The following CHST3 variants were observed in gnomAD, a reference collection of about 807,000 sequenced individuals.
CHST3 encodes C6ST-1.
In CHST3, 20 loss-of-function variants were observed where a neutral mutation model predicts 35.4. That is an observed-to-expected ratio of 0.57 (90% CI 0.40 to 0.82). The LOEUF is 0.82. CHST3 is among the 40% of genes least tolerant of loss of function. The pLI, the probability that CHST3 is intolerant of heterozygous loss-of-function variation, is 0.00. For synonymous variants in CHST3, 334 were observed against 295.9 expected (o/e 1.13, Z -1.32); for missense variants, 693 against 670.1 (o/e 1.03, Z -0.38).
intron 1 of CHST3, among the ~76,000 whole-genome samples, chr10:71,989,673 T>C (rs549285736): frequency 2.6e-5 from 4 of 152,322 alleles, no homozygotes; most frequent in African/African-American, 9.6e-5. Flanking sequence ...TTTAGTAACA[T>C]GGTAACAAAT....
intron 1 of CHST3, among the ~76,000 whole-genome samples, chr10:72,003,124 G>A: frequency 6.6e-6 from 1 of 152,196 alleles, no homozygotes; most frequent in Non-Finnish European, 1.5e-5. Context: ...CTGCCTCACA[G>A]GGCTTTGCTG....
At chr10:71,967,985 T>TTTTTTTGTA in intron 1 of CHST3, among the ~76,000 whole-genome samples, 1 of 150,598 alleles carries the variant, frequency 6.6e-6, no homozygotes, top group Non-Finnish European at 1.5e-5. Flanking sequence ...ATTTTTTTTT[T>TTTTTTTGTA]TTTTTGTATT....
chr10:71,981,619 A>T (rs1219253567), intron 1 of CHST3, among the ~76,000 whole-genome samples: 1 of 152,200 alleles, frequency 6.6e-6, no homozygotes, highest in African/African-American at 2.4e-5. Context: ...ACAGAACCTC[A>T]TTCTTCAGGC....
chr10:72,005,780 T>C lies in CHST3; in HGVS notation c.-63T>C, dbSNP rs1038394719. The C allele has an allele frequency of 1.9e-6, 3 of 1,608,382 alleles. No homozygotes were observed. Among genetic ancestry groups the C allele is most frequent in the Admixed American group, 3.3e-5 (2 of 59,984 alleles). ...TGAAGACGGCAAGCTGGGTCCTGAG[T>C]GATGCCCCTCAGCTGAGTGTCCAAG... is the stretch of plus-strand genomic sequence containing the variant. On this transcript the variant is annotated 5_prime_UTR_variant, in exon 2 of 3. Coordinates refer to ENST00000373115, the MANE Select transcript of CHST3 (RefSeq NM_004273.5).
At chr10:72,002,780 G>A (rs1840005611) in intron 1 of CHST3, among the ~76,000 whole-genome samples, 2 of 152,230 alleles carry the variant, frequency 1.3e-5, no homozygotes, top group South Asian at 4.1e-4. Context: ...GCTAAACAGG[G>A]TGCATGGGGG....
intron 1 of CHST3, 52 bp from the exon 2 acceptor site, chr10:72,005,684 C>T: frequency 1.2e-6 from 1 of 856,474 alleles, no homozygotes; most frequent in Non-Finnish European, 1.9e-6. Flanking sequence ...GAGACATCCT[C>T]TGCATTCCTC....
chr10:71,965,767 G>A (rs778634503), intron 1 of CHST3, among the ~76,000 whole-genome samples: 4 of 152,178 alleles, frequency 2.6e-5, no homozygotes, highest in Admixed American at 6.5e-5. Flanking sequence ...AAGGCCAGTG[G>A]GCCTCTGCTG....
In CHST3 at chr10:72,008,160, G is replaced by C; in HGVS notation, c.1129G>C (p.Gly377Arg). 2.6e-6 allele frequency: 4 copies of C among 1,548,656 alleles called. No homozygotes were observed. Among genetic ancestry groups the C allele is most frequent in the Non-Finnish European group, 3.5e-6 (4 of 1,146,474 alleles). ...MLVRYEDVARGPLQKAREMYR... is the reference protein window; with the variant it reads ...MLVRYEDVARRPLQKAREMYR... ...GGTGCGCTACGAGGACGTGGCACGCGGGCCGCTGCAGAAGGCCCGCGAGAT... is the reference window on the plus strand; with the variant it reads ...GGTGCGCTACGAGGACGTGGCACGCCGGCCGCTGCAGAAGGCCCGCGAGAT... The change falls in exon 3 of 3, where the codon GGG (glycine) becomes CGG (arginine). Residue 377 changes from glycine (G) to arginine (R), a missense_variant. Transcript: ENST00000373115.
chr10:72,003,149 G>A (rs1840008850), intron 1 of CHST3, among the ~76,000 whole-genome samples: 2 of 152,174 alleles, frequency 1.3e-5, no homozygotes, highest in Admixed American at 1.3e-4. Flanking sequence ...TTTGATGAGT[G>A]CAAGTGCTTA....
chr10:71,970,031 G>T (rs965126850), intron 1 of CHST3, among the ~76,000 whole-genome samples: 1 of 152,216 alleles, frequency 6.6e-6, no homozygotes, highest in Non-Finnish European at 1.5e-5. Flanking sequence ...TACCCTGAGC[G>T]CGTGGACTCC....
chr10:71,972,128 C>A (rs1016056248), intron 1 of CHST3, among the ~76,000 whole-genome samples: 1 of 152,086 alleles, frequency 6.6e-6, no homozygotes, highest in African/African-American at 2.4e-5. Flanking sequence ...GAGGTGGCTC[C>A]GGTTATTCCC....
intron 1 of CHST3, among the ~76,000 whole-genome samples, chr10:72,004,903 G>C (rs1002661634): frequency 6.6e-6 from 1 of 152,184 alleles, no homozygotes; most frequent in African/African-American, 2.4e-5. Context: ...GCCGAGGCAG[G>C]TGGATTGCTT....
chr10:71,995,775 A>C (rs1432470008), intron 1 of CHST3, among the ~76,000 whole-genome samples: 1 of 152,170 alleles, frequency 6.6e-6, no homozygotes, highest in Non-Finnish European at 1.5e-5. Context: ...GGTTTGTGGC[A>C]CCCCAAAACA....
intron 1 of CHST3, among the ~76,000 whole-genome samples, chr10:71,976,359 G>A (rs760383809): frequency 2.0e-5 from 3 of 152,140 alleles, no homozygotes; most frequent in Admixed American, 1.3e-4. Context: ...ACGGGTCTGC[G>A]GGCCTGCTGT....
chr10:71,972,312 C>A (rs551666964), intron 1 of CHST3, among the ~76,000 whole-genome samples: 99 of 152,308 alleles, frequency 6.5e-4, no homozygotes, highest in African/African-American at 2.1e-3. Flanking sequence ...GGAGAAACAG[C>A]ACACAGGCAT....
At chr10:71,981,424 G>A (rs548491366) in intron 1 of CHST3, among the ~76,000 whole-genome samples, 8 of 152,226 alleles carry the variant, frequency 5.3e-5, no homozygotes, top group African/African-American at 7.2e-5. Flanking sequence ...GCAGCTTTGC[G>A]AGGGAGGGGA....
intron 1 of CHST3, among the ~76,000 whole-genome samples, chr10:72,004,609 C>T (rs371900928): frequency 6.6e-6 from 1 of 152,332 alleles, no homozygotes; most frequent in East Asian, 1.9e-4. Context: ...TCCACCTTCT[C>T]TCTCCACCTA....
intron 1 of CHST3, among the ~76,000 whole-genome samples, chr10:72,004,455 C>T (rs1218839742): frequency 6.6e-6 from 1 of 152,168 alleles, no homozygotes; most frequent in African/African-American, 2.4e-5. Flanking sequence ...AAGTGGAGAC[C>T]TGAAGGCTGA....
Position 72,007,476 on chromosome 10 carries a change from G to A in CHST3, c.445G>A (p.Gly149Ser), listed in dbSNP as rs930289052. Reference sequence around the variant, plus strand: ...CACGCGCACCGGCTCCTCGTTCGTGGGCGAGTTCTTCAACCAGCAGGGCAA... The same window carrying A: ...CACGCGCACCGGCTCCTCGTTCGTGAGCGAGTTCTTCAACCAGCAGGGCAA... ...ATTRTGSSFV[G>S]EFFNQQGNIF... The change falls in exon 3 of 3, where the codon GGC (glycine) becomes AGC (serine). Residue 149 changes from glycine to serine, a missense_variant. Transcript: ENST00000373115. 1.2e-6 allele frequency: 2 copies of A among 1,602,360 alleles called. No individual in the cohort carries two copies. Among genetic ancestry groups the A allele is most frequent in the Admixed American group, 1.7e-5 (1 of 59,994 alleles).
Sources: allele counts gnomAD v4.1 joint callset (sites outside exome capture counted in the v4.1 genomes callset), GRCh38; gene constraint gnomAD v4.1.1; transcripts MANE v1.5; gene names NCBI Gene and HGNC (gene_info 2026-07-23, HGNC 2026-07-21).